The following SNX7 variants were observed in gnomAD, a reference collection of about 807,000 sequenced individuals.
The protein encoded by SNX7 is sorting nexin-7.
A neutral mutation model predicts 48.4 loss-of-function variants in SNX7; 35 were observed. That is an observed-to-expected ratio of 0.72 (90% CI 0.55 to 0.96). The LOEUF is 0.96. SNX7 is among the 40% of genes least tolerant of loss of function. The probability of loss-of-function intolerance (pLI) is 0.00; values close to 1 mark genes in which losing one functional copy is unlikely to be tolerated. For synonymous variants in SNX7, 190 were observed against 190.2 expected (o/e 1.00, Z 0.01); for missense variants, 553 against 548.9 (o/e 1.01, Z -0.07).
intron 1 of SNX7, among the ~76,000 whole-genome samples, chr1:98,663,252 GGTTTTTTTTTTTTTTTTTTTT>G (rs1447326863): frequency 0.022 from 1,863 of 83,166 alleles, 146 homozygotes; most frequent in East Asian, 0.069. Flanking sequence ...GTTTCTTTCT[GGTTTTTTTTTTTTTTTTTTTT>G]TTTTTTTTTT....
chr1:98,665,079 G>T (rs1205091990), intron 1 of SNX7, among the ~76,000 whole-genome samples: 1 of 152,120 alleles, frequency 6.6e-6, no homozygotes, highest in African/African-American at 2.4e-5. Context: ...CTGTATAAAA[G>T]AAACAGCTGT....
intron 7 of SNX7, among the ~76,000 whole-genome samples, chr1:98,713,039 C>T (rs1030911298): frequency 2.0e-5 from 3 of 148,870 alleles, no homozygotes; most frequent in African/African-American, 7.5e-5. Context: ...TGCAGTGAGC[C>T]GAGATCGTGC....
rs144790295 is a variant in SNX7, at chr1:98,731,281, G to C, written c.1126-6956G>C. Among the ~76,000 whole-genome samples the C allele has an allele frequency of 1.4e-3, 215 of 151,964 alleles. 3 individuals carry two copies. In the East Asian group the frequency reaches 0.027, roughly 19 times the overall value. ...AGCTTCAAGTGCCTCAAGGAACTATGTGCTTATTGGATTGTATCTCTCATA... is the reference window on the plus strand; with the variant it reads ...AGCTTCAAGTGCCTCAAGGAACTATCTGCTTATTGGATTGTATCTCTCATA... On this transcript the variant is annotated intron_variant, in intron 7 of 8. Transcript: ENST00000306121.
At chr1:98,678,468 T>C (rs994665907) in intron 1 of SNX7, among the ~76,000 whole-genome samples, 1 of 152,218 alleles carries the variant, frequency 6.6e-6, no homozygotes, top group Non-Finnish European at 1.5e-5. Context: ...GTCTCATATA[T>C]TTATTTCCTA....
At chr1:98,757,664 C>T (rs750051758) in intron 8 of SNX7, among the ~76,000 whole-genome samples, 6 of 152,026 alleles carry the variant, frequency 3.9e-5, no homozygotes, top group Non-Finnish European at 7.4e-5. Flanking sequence ...CCAGGGACCA[C>T]TATCCTTTGT....
chr1:98,665,246 A>G (rs1302708661), intron 1 of SNX7, among the ~76,000 whole-genome samples: 2 of 152,214 alleles, frequency 1.3e-5, no homozygotes, highest in African/African-American at 4.8e-5. Flanking sequence ...AGGTGTAATC[A>G]TCCTCATCAC....
chr1:98,685,654 A>G (rs1650752756), intron 2 of SNX7, among the ~76,000 whole-genome samples: 1 of 152,156 alleles, frequency 6.6e-6, no homozygotes, highest in South Asian at 2.1e-4. Context: ...TAAGTCCTTT[A>G]TTTAATAGCA....
Position 98,661,883 on chromosome 1 carries a change from A to G in SNX7, c.152A>G (p.Asp51Gly). ...GCGGAGGTGCTGGATCTGGACGAGG[A>G]CGAGGACGACCTGGAGGTGTTCAGC... Reference protein sequence around the residue: ...LQAEVLDLDEDEDDLEVFSKD... With the variant: ...LQAEVLDLDEGEDDLEVFSKD... Residue 51 changes from aspartate to glycine, a missense_variant, in exon 1 of 9, where the codon GAC becomes GGC. Physicochemically the swap from Asp to Gly is moderately conservative, Grantham distance 94. Transcript: ENST00000306121. 8.0e-7 allele frequency: 1 copy of G among 1,246,960 alleles called. No individual in the cohort carries two copies. Among genetic ancestry groups the G allele is most frequent in the East Asian group, 3.2e-5 (1 of 31,616 alleles). The allele number at this position is 1,246,960 out of a possible 1,614,324, so 77.2% of individuals were successfully genotyped here.
rs755590808 is a variant in SNX7, at chr1:98,695,503, G to C, written c.640-15G>C. On this transcript the variant is annotated splice_polypyrimidine_tract_variant and intron_variant, in intron 4 of 8. Coordinates refer to ENST00000306121, the MANE Select transcript of SNX7 (RefSeq NM_015976.5). ...AGACTTGTTTCACTAGAAATACTTG[G>C]TTTTTTGTTTCTAGGAACTCTCTTC... 6.2e-7 allele frequency: 1 copy of C among 1,609,104 alleles called. No individual in the cohort carries two copies. Among genetic ancestry groups the C allele is most frequent in the East Asian group, 2.2e-5 (1 of 44,844 alleles).
chr1:98,691,089 AT>A lies in SNX7; in HGVS notation c.381del (p.Phe127LeufsTer18). 1 of 1,606,426 alleles carries A rather than the reference AT, an allele frequency of 6.2e-7. No homozygotes were observed. Reference protein sequence around the residue: ...RIITKTSRGEFDSSEFEVRRR... With the variant: ...RIITKTSRGEXDSSEFEVRRR... ...ACTTTCTTCAGACATCTCGTGGGGA[AT>A]TTGACTCCAGTGAATTTGAAGTTAG... On this transcript the variant is annotated frameshift_variant, in exon 3 of 9. Coordinates refer to ENST00000306121, the MANE Select transcript of SNX7 (RefSeq NM_015976.5). LOFTEE classifies it high-confidence loss of function.
Position 98,684,867 on chromosome 1 carries a change from G to T in SNX7, c.181-18G>T. On this transcript the variant is annotated intron_variant, in intron 1 of 8. Transcript: ENST00000306121. ...AATTTTTCTATTGATACTAATTTTT[G>T]AATGTTTTATTTCTTAGGATGCCTC... 2 of 1,446,494 alleles carry T rather than the reference G, an allele frequency of 1.4e-6. No individual in the cohort carries two copies. Among genetic ancestry groups the T allele is most frequent in the East Asian group, 2.4e-5 (1 of 41,848 alleles). The allele number at this position is 1,446,494 out of a possible 1,614,324, so 89.6% of individuals were successfully genotyped here. A position where few individuals can be genotyped will look rare whatever the true frequency, so the allele number is the denominator to read the frequency against.
At chr1:98,689,742 G>T (rs947168514) in intron 2 of SNX7, among the ~76,000 whole-genome samples, 8 of 152,038 alleles carry the variant, frequency 5.3e-5, no homozygotes, top group African/African-American at 1.7e-4. Context: ...CATGTTTTGG[G>T]TGCATATGTA....
At chr1:98,673,744 T>A (rs1312358304) in intron 1 of SNX7, among the ~76,000 whole-genome samples, 2 of 152,196 alleles carry the variant, frequency 1.3e-5, no homozygotes, top group African/African-American at 4.8e-5. Context: ...TTGGGGAGAA[T>A]GCTTATCATC....
intron 5 of SNX7, among the ~76,000 whole-genome samples, chr1:98,696,241 C>T (rs2100965894): frequency 6.7e-6 from 1 of 149,996 alleles, no homozygotes; most frequent in East Asian, 2.0e-4. Flanking sequence ...ATGATTTTTT[C>T]CCCTAATTTT....
chr1:98,707,880 C>T (rs1163163660), intron 7 of SNX7, among the ~76,000 whole-genome samples: 1 of 152,098 alleles, frequency 6.6e-6, no homozygotes, highest in African/African-American at 2.4e-5. Context: ...GTATGACATG[C>T]TATTTTTGGC....
At chr1:98,727,996 A>G (rs1302758830) in intron 7 of SNX7, among the ~76,000 whole-genome samples, 4 of 152,214 alleles carry the variant, frequency 2.6e-5, no homozygotes, top group Non-Finnish European at 4.4e-5. Flanking sequence ...TCTCTAACCT[A>G]GCAGGACTGG....
chr1:98,733,628 G>A lies in SNX7; in HGVS notation c.1126-4609G>A, dbSNP rs151234770. ...CGTCTGCAGTTTGCTTTGCATGAATGCCTTTCAAGTTTCCTTTTCCTGATT... is the reference window on the plus strand; with the variant it reads ...CGTCTGCAGTTTGCTTTGCATGAATACCTTTCAAGTTTCCTTTTCCTGATT... On this transcript the variant is annotated intron_variant, in intron 7 of 8. Transcript: ENST00000306121. Among the ~76,000 whole-genome samples, 220 of 152,204 alleles carry A rather than the reference G, an allele frequency of 1.4e-3. 1 individual carries two copies. The Middle Eastern group carries it at 0.034, about 24-fold the overall frequency.
At chr1:98,680,548 C>T (rs1037865436) in intron 1 of SNX7, among the ~76,000 whole-genome samples, 1 of 152,098 alleles carries the variant, frequency 6.6e-6, no homozygotes, top group Non-Finnish European at 1.5e-5. Flanking sequence ...TTTTATGCTC[C>T]GCTTCCCTTG....
chr1:98,664,569 C>T (rs150296364), intron 1 of SNX7, among the ~76,000 whole-genome samples: 4,042 of 151,998 alleles, frequency 0.027, 78 homozygotes, highest in Middle Eastern at 0.044. Context: ...TTTTTTTCCA[C>T]AACGTATTAC....
Sources: gnomAD v4.1 joint callset for allele counts (sites outside exome capture counted in the v4.1 genomes callset) on GRCh38, gnomAD v4.1.1 for gene constraint, MANE v1.5 for transcripts, NCBI Gene and HGNC (gene_info 2026-07-23, HGNC 2026-07-21) for gene names.